The following PEAK1 variants were observed in gnomAD, a reference collection of about 807,000 sequenced individuals.
PEAK1 encodes inactive tyrosine-protein kinase PEAK1.
In PEAK1, 54 loss-of-function variants were observed where a neutral mutation model predicts 124.7. The observed-to-expected ratio is 0.43, with a 90% CI of 0.35 to 0.54. The LOEUF is 0.54. Among genes scored for constraint, PEAK1 ranks in the 20% least tolerant of loss-of-function variants. The pLI is 0.01. For synonymous variants in PEAK1, 719 were observed against 760.0 expected, an observed-to-expected ratio of 0.95 and a Z score of 0.89; for missense variants, 2,046 against 2,134.5, an observed-to-expected ratio of 0.96 and a Z score of 0.82.
intron 2 of PEAK1, among the ~76,000 whole-genome samples, chr15:77,358,922 G>A (rs568747498): frequency 2.4e-4 from 36 of 152,276 alleles, no homozygotes; most frequent in African/African-American, 8.4e-4. Flanking sequence ...CAGGACTACT[G>A]TGAAGATTAC....
At chr15:77,308,236 C>G (rs2064218492) in intron 2 of PEAK1, among the ~76,000 whole-genome samples, 1 of 152,044 alleles carries the variant, frequency 6.6e-6, no homozygotes, top group Non-Finnish European at 1.5e-5. Context: ...GTGACTTAAT[C>G]TCTCTGAGCT....
chr15:77,268,999 G>A (rs1173766868), intron 5 of PEAK1, among the ~76,000 whole-genome samples: 2 of 151,652 alleles, frequency 1.3e-5, no homozygotes, highest in African/African-American at 4.8e-5. Flanking sequence ...AGCACTACGA[G>A]CACCGCTAAA....
intron 6 of PEAK1, among the ~76,000 whole-genome samples, chr15:77,193,301 C>A (rs1443797270): frequency 6.6e-6 from 1 of 152,140 alleles, no homozygotes; most frequent in South Asian, 2.1e-4. Flanking sequence ...CATTTATAGA[C>A]TCATTTTACA....
In PEAK1 at chr15:77,158,689, T is replaced by C. The variant is rs896434976; in HGVS notation, c.3145A>G (p.Thr1049Ala). The change falls in exon 8 of 10, where the codon ACC becomes GCC. Residue 1049 changes from threonine (T) to alanine (A), a missense_variant. Coordinates refer to ENST00000682557, the MANE Select transcript of PEAK1 (RefSeq NM_001385026.1). ...QIPKKILSHM[T>A]HEVTEDFSPR... ...GAAAAATCCTCTGTTACTTCATGGG[T>C]CATGTGACTGAAACAAATCAGACCA... 3 of 1,612,940 alleles carry C rather than the reference T, an allele frequency of 1.9e-6. No individual in the cohort carries two copies. The highest frequency in any genetic ancestry group is 1.7e-6 in the Non-Finnish European group (2 of 1,178,972).
At chr15:77,216,090 C>A (rs1388596116) in intron 6 of PEAK1, among the ~76,000 whole-genome samples, 3 of 152,092 alleles carry the variant, frequency 2.0e-5, no homozygotes, top group African/African-American at 7.2e-5. Context: ...ATACCTGTTG[C>A]AATTCTGATT....
chr15:77,316,141 G>T (rs539138923), intron 2 of PEAK1, among the ~76,000 whole-genome samples: 2 of 152,068 alleles, frequency 1.3e-5, no homozygotes, highest in South Asian at 4.1e-4. Flanking sequence ...TGCCACCACA[G>T]TATTAACACT....
At chr15:77,222,874 T>C (rs1259995686) in intron 6 of PEAK1, among the ~76,000 whole-genome samples, 2 of 151,950 alleles carry the variant, frequency 1.3e-5, no homozygotes, top group East Asian at 3.9e-4. Context: ...AGGCAAAAAG[T>C]CAAACAGAGT....
rs2066934492 is a variant in PEAK1, at chr15:77,347,453, TAAG to T, written c.-603+17707_-603+17709del. On this transcript the variant is annotated intron_variant, in intron 2 of 9. Coordinates refer to ENST00000682557, the MANE Select transcript of PEAK1 (RefSeq NM_001385026.1). ...ACCTCAAAAGCAATATTGTTCTAGA[TAAG>T]ATCAACATCTAGGGCTGGCACACCT... 4 of 985,222 alleles carry T rather than the reference TAAG, an allele frequency of 4.1e-6. No individual in the cohort carries two copies. In the African/African-American group the frequency reaches 7.0e-5, roughly 17 times the overall value. The allele number at this position is 985,222 out of a possible 1,614,324, so 61.0% of individuals were successfully genotyped here. A position where few individuals can be genotyped will look rare whatever the true frequency, so the allele number is the denominator to read the frequency against.
chr15:77,370,132 C>A (rs993802747), intron 1 of PEAK1, among the ~76,000 whole-genome samples: 6 of 152,176 alleles, frequency 3.9e-5, no homozygotes, highest in African/African-American at 1.4e-4. Context: ...CTAAACCAAG[C>A]AAATTAAGCT....
chr15:77,193,305 T>C (rs552269735), intron 6 of PEAK1, among the ~76,000 whole-genome samples: 1 of 152,310 alleles, frequency 6.6e-6, no homozygotes, highest in South Asian at 2.1e-4. Flanking sequence ...TATAGACTCA[T>C]TTTACACACA....
intron 6 of PEAK1, among the ~76,000 whole-genome samples, chr15:77,190,233 G>C (rs2057766262): frequency 6.6e-6 from 1 of 152,144 alleles, no homozygotes; most frequent in South Asian, 2.1e-4. Context: ...AAGGGAAAAA[G>C]TACTTCTAAA....
intron 1 of PEAK1, among the ~76,000 whole-genome samples, chr15:77,411,668 C>T (rs1295839575): frequency 6.6e-6 from 1 of 152,026 alleles, no homozygotes; most frequent in African/African-American, 2.4e-5. Context: ...AGCAGTGGTG[C>T]GATCATAGCT....
upstream of PEAK1, chr15:77,420,742 C>T (rs1189854639): frequency 2.0e-5 from 8 of 397,068 alleles, no homozygotes; most frequent in East Asian, 2.5e-4. Context: ...GTGAAGGTAC[C>T]GTGGAAAATA....
intron 2 of PEAK1, chr15:77,352,814 T>C (rs897579519): frequency 2.4e-5 from 24 of 984,922 alleles, no homozygotes; most frequent in Admixed American, 1.2e-4. Context: ...AATTTGAAGA[T>C]AGATGTGCCA....
chr15:77,290,611 G>A (rs1171106227), intron 2 of PEAK1, among the ~76,000 whole-genome samples: 1 of 150,994 alleles, frequency 6.6e-6, no homozygotes, highest in Non-Finnish European at 1.5e-5. Context: ...GGGCAGTGGC[G>A]TGACCATGGA....
chr15:77,178,618 G>A, intron 7 of PEAK1, 172 bp downstream of exon 7: 1 of 704,270 alleles, frequency 1.4e-6, no homozygotes, highest in Non-Finnish European at 2.3e-6. Flanking sequence ...AGTGCAGTAA[G>A]ATCACTTTAA....
At chr15:77,231,798 G>A (rs1203437866) in intron 6 of PEAK1, among the ~76,000 whole-genome samples, 2 of 152,116 alleles carry the variant, frequency 1.3e-5, no homozygotes, top group African/African-American at 4.8e-5. Flanking sequence ...AAATTTATAT[G>A]AGAATAATTG....
chr15:77,399,547 G>A (rs973025879), intron 1 of PEAK1, among the ~76,000 whole-genome samples: 9 of 152,010 alleles, frequency 5.9e-5, no homozygotes, highest in East Asian at 1.9e-4. Flanking sequence ...TTTAACAAAG[G>A]TGCAAGAACA....
chr15:77,170,223 C>T lies in PEAK1; in HGVS notation c.3137+8567G>A, dbSNP rs150225106. Among the ~76,000 whole-genome samples, 539 of 151,486 alleles carry T rather than the reference C, an allele frequency of 3.6e-3. 4 individuals carry two copies. The highest frequency in any genetic ancestry group is 6.8e-3 in the Middle Eastern group (2 of 294). The stretch of plus-strand genomic sequence containing the variant: ...TGTTGAAGTGTGGTTTTGTGGTAAA[C>T]GGTGGTTTACTATACTAGTCTATCT... On this transcript the variant is annotated intron_variant, in intron 7 of 9. Transcript: ENST00000682557.
Sources: allele counts gnomAD v4.1 joint callset (sites outside exome capture counted in the v4.1 genomes callset), GRCh38; gene constraint gnomAD v4.1.1; transcripts MANE v1.5; gene names NCBI Gene and HGNC (gene_info 2026-07-23, HGNC 2026-07-21).